CCL22: variants seen among roughly 807,000 people sequenced by gnomAD.
CCL22 encodes the protein C-C motif chemokine 22.
In CCL22, 7 loss-of-function variants were observed where a neutral mutation model predicts 7.6. That is an observed-to-expected ratio of 0.92 (90% CI 0.52 to 1.72). CCL22 has a LOEUF of 1.72. CCL22 is among the 40% of genes most tolerant of loss of function. The pLI, the probability that CCL22 is intolerant of heterozygous loss-of-function variation, is 0.00. For missense variants in CCL22, 115 were observed against 124.7 expected (o/e 0.92, Z 0.37); for synonymous variants, 55 against 47.2 (o/e 1.17, Z -0.68).
rs1446138012 is a variant in CCL22, at chr16:57,365,297, T to C, written c.*1709T>C. On this transcript the variant is annotated 3_prime_UTR_variant, in exon 3 of 3. Coordinates refer to ENST00000219235, the MANE Select transcript of CCL22 (RefSeq NM_002990.5). ...TTCCTTAAATAGCTGACAATCAAAT[T>C]CATGCTATGGTGTGAAAGACTACCT... 1 of 152,196 alleles carries C rather than the reference T, an allele frequency of 6.6e-6. No individual in the cohort carries two copies. Among genetic ancestry groups the C allele is most frequent in the Non-Finnish European group, 1.5e-5 (1 of 68,066 alleles). The allele number at this position is 152,196 out of a possible 1,614,324, so 9.4% of individuals were successfully genotyped here.
chr16:57,358,975 C>A, intron 1 of CCL22, 86 bp downstream of exon 1: 1 of 1,064,140 alleles, frequency 9.4e-7, no homozygotes, highest in Non-Finnish European at 1.5e-6. Flanking sequence ...AGCACTGGAC[C>A]AAGAGCAGAA....
In CCL22 at chr16:57,363,688, ACT is replaced by A; in HGVS notation, c.*105_*106del. ...TGCTCCCCGCCAGAAGCCTGTGCCA[ACT>A]CTCTGCATTCCCTGATCTCCATCCC... is the stretch of plus-strand genomic sequence containing the variant. On this transcript the variant is annotated 3_prime_UTR_variant, in exon 3 of 3. Coordinates refer to ENST00000219235, the MANE Select transcript of CCL22 (RefSeq NM_002990.5). 2.7e-6 allele frequency: 2 copies of A among 742,444 alleles called. No homozygotes were observed. The highest frequency in any genetic ancestry group is 2.4e-6 in the Non-Finnish European group (1 of 421,308). 46.0% of individuals were successfully genotyped at this position (742,444 alleles called of 1,614,324 possible).
intron 1 of CCL22, among the ~76,000 whole-genome samples, 170 bp from the exon 2 acceptor site, chr16:57,360,267 A>T (rs566337212): frequency 6.6e-6 from 1 of 152,324 alleles, no homozygotes; most frequent in South Asian, 2.1e-4. Context: ...CAGAAGCTCC[A>T]AGGGTAGGGT....
rs1166556826 is a variant in CCL22 at position 57,364,277 on chromosome 16, G to C, written c.*689G>C. The stretch of plus-strand genomic sequence containing the variant: ...CTCTAGTCTCCAAGCCTCTAGCATA[G>C]AGCACTGCAGACAGGCCCTGGCTCA... On this transcript the variant is annotated 3_prime_UTR_variant, in exon 3 of 3. Coordinates refer to ENST00000219235, the MANE Select transcript of CCL22 (RefSeq NM_002990.5). 6.6e-6 allele frequency: 1 copy of C among 152,358 alleles called. No individual in the cohort carries two copies. The highest frequency in any genetic ancestry group is 2.4e-5 in the African/African-American group (1 of 41,424). The allele number at this position is 152,358 out of a possible 1,614,324, so 9.4% of individuals were successfully genotyped here. A position where few individuals can be genotyped will look rare whatever the true frequency, so the allele number is the denominator to read the frequency against.
At chr16:57,363,369 C>T in intron 2 of CCL22, 135 bp from the exon 3 acceptor site, 1 of 615,644 alleles carries the variant, frequency 1.6e-6, no homozygotes, top group South Asian at 2.0e-5. Flanking sequence ...CAGATAATGT[C>T]ATATGTAGTA....
intron 1 of CCL22, 80 bp from the exon 2 acceptor site, chr16:57,360,357 G>A (rs1902033804): frequency 6.4e-7 from 1 of 1,551,348 alleles, no homozygotes; most frequent in South Asian, 1.1e-5. Flanking sequence ...GGAGCCTGGA[G>A]AGGCCGAGAT....
Position 57,363,520 on chromosome 16 carries a change from G to A in CCL22, c.214G>A (p.Asp72Asn), listed in dbSNP as rs752543853. Reference protein sequence around the residue: ...RPGVVLLTFRDKEICADPRVP... With the variant: ...RPGVVLLTFRNKEICADPRVP... Reference sequence around the variant, plus strand: ...TTCTTCCAGGTTGCTAACCTTCAGGGATAAGGAGATCTGTGCCGATCCCAG... The same window carrying A: ...TTCTTCCAGGTTGCTAACCTTCAGGAATAAGGAGATCTGTGCCGATCCCAG... Residue 72 changes from aspartate (D) to asparagine (N), a missense_variant, in exon 3 of 3, where the codon GAT becomes AAT. Transcript: ENST00000219235. 1 of 1,612,978 alleles carries A rather than the reference G, an allele frequency of 6.2e-7. No individual in the cohort carries two copies. Among genetic ancestry groups the A allele is most frequent in the African/African-American group, 1.3e-5 (1 of 74,852 alleles).
intron 1 of CCL22, 48 bp from the exon 2 acceptor site, chr16:57,360,389 A>C: frequency 6.3e-7 from 1 of 1,590,634 alleles, no homozygotes; most frequent in South Asian, 1.1e-5. Flanking sequence ...GCCGAGGGTG[A>C]CCTCTCTGGG....
At position 57,360,445 on chromosome 16, in the gene CCL22, G is replaced by A. The variant is rs779650273; in HGVS notation, c.82G>A (p.Gly28Ser). The change falls in exon 2 of 3, where the codon GGC (glycine) becomes AGC (serine). Residue 28 changes from glycine (G) to serine (S), a missense_variant. Coordinates refer to ENST00000219235, the MANE Select transcript of CCL22 (RefSeq NM_002990.5). ...ALQATEAGPYGANMEDSVCCR... is the reference protein window; with the variant it reads ...ALQATEAGPYSANMEDSVCCR... ...GGGGACCCCTCCCCTAGGCCCCTAC[G>A]GCGCCAACATGGAAGACAGCGTCTG... is the stretch of plus-strand genomic sequence containing the variant. 1.5e-5 allele frequency: 25 copies of A among 1,614,084 alleles called. No homozygotes were observed. Among genetic ancestry groups the A allele is most frequent in the Middle Eastern group, 1.6e-4 (1 of 6,082 alleles).
Position 57,360,505 on chromosome 16 carries a change from C to A in CCL22, c.142C>A (p.Arg48Ser), listed in dbSNP as rs145382097. The A allele has an allele frequency of 1.1e-5, 18 of 1,614,224 alleles. No individual in the cohort carries two copies. Among genetic ancestry groups the A allele is most frequent in the Non-Finnish European group, 1.4e-5 (17 of 1,180,022 alleles). The part of the protein sequence containing the change: ...RDYVRYRLPL[R>S]VVKHFYWTSD... ...TTACGTCCGTTACCGTCTGCCCCTG[C>A]GCGTGGTGAAACACTTCTACTGGAC... Residue 48 changes from arginine (R) to serine (S), a missense_variant, in exon 2 of 3, where the codon CGC becomes AGC. Arg to Ser is a moderately radical substitution (Grantham distance 110). Transcript: ENST00000219235.
intron 2 of CCL22, among the ~76,000 whole-genome samples, chr16:57,362,976 A>T (rs1902065628): frequency 6.6e-6 from 1 of 152,000 alleles, no homozygotes; most frequent in Non-Finnish European, 1.5e-5. Context: ...GGGTCCTGGA[A>T]GTCCTTGCTG....
rs1423612340 is a variant in CCL22 at position 57,364,296 on chromosome 16, T to C, written c.*708T>C. The C allele has an allele frequency of 6.6e-6, 1 of 152,264 alleles. No homozygotes were observed. The highest frequency in any genetic ancestry group is 1.5e-5 in the Non-Finnish European group (1 of 68,106). 9.4% of individuals were successfully genotyped at this position (152,264 alleles called of 1,614,324 possible). A position where few individuals can be genotyped will look rare whatever the true frequency, so the allele number is the denominator to read the frequency against. ...AGCATAGAGCACTGCAGACAGGCCC[T>C]GGCTCAGAATCAGAGCCCAGAAAGT... On this transcript the variant is annotated 3_prime_UTR_variant, in exon 3 of 3. Coordinates refer to ENST00000219235, the MANE Select transcript of CCL22 (RefSeq NM_002990.5).
Position 57,358,865 on chromosome 16 carries a change from G to C in CCL22, c.49G>C (p.Val17Leu). The change falls in exon 1 of 3, where the codon GTG becomes CTG. Residue 17 changes from valine to leucine, a missense_variant. Coordinates refer to ENST00000219235, the MANE Select transcript of CCL22 (RefSeq NM_002990.5). ...ALLVVLVLLA[V>L]ALQATEAGPY... ...CCTGGTTGTCCTCGTCCTCCTTGCT[G>C]TGGCGCTTCAAGCAACTGAGGCAGG... is the stretch of plus-strand genomic sequence containing the variant. 1 of 1,613,858 alleles carries C rather than the reference G, an allele frequency of 6.2e-7. No individual in the cohort carries two copies. Among genetic ancestry groups the C allele is most frequent in the Non-Finnish European group, 8.5e-7 (1 of 1,179,964 alleles).
At chr16:57,360,316 C>A in intron 1 of CCL22, 121 bp from the exon 2 acceptor site, 1 of 1,250,640 alleles carries the variant, frequency 8.0e-7, no homozygotes, top group Non-Finnish European at 1.1e-6. Context: ...CATCCTTCCA[C>A]ATGAGAACAG....
intron 2 of CCL22, 81 bp from the exon 3 acceptor site, chr16:57,363,423 T>C (rs1902070375): frequency 8.0e-6 from 7 of 870,862 alleles, no homozygotes; most frequent in Non-Finnish European, 1.1e-5. Context: ...AGGTGGCTCA[T>C]AAATGCTAAG....
At chr16:57,360,712 G>GGCTCA in intron 2 of CCL22, 152 bp downstream of exon 2, 1 of 927,054 alleles carries the variant, frequency 1.1e-6, no homozygotes. Context: ...TGGAAGAGAT[G>GGCTCA]GCTCAGTTCA....
upstream of CCL22, chr16:57,358,706 C>T (rs1228799749): frequency 1.5e-5 from 12 of 785,920 alleles, no homozygotes; most frequent in African/African-American, 2.0e-4. Context: ...CTGGGCACCC[C>T]GGTGACTAAG....
In CCL22 at chr16:57,364,801, C is replaced by CA. The variant is rs796311331; in HGVS notation, c.*1213_*1214insA. 2 of 84,158 alleles carry CA rather than the reference C, an allele frequency of 2.4e-5. No individual in the cohort carries two copies. The highest frequency in any genetic ancestry group is 5.6e-4 in the South Asian group (1 of 1,778). 5.2% of individuals were successfully genotyped at this position (84,158 alleles called of 1,614,324 possible). On this transcript the variant is annotated 3_prime_UTR_variant, in exon 3 of 3. Transcript: ENST00000219235. The stretch of plus-strand genomic sequence containing the variant: ...GCCTCTTCCCTCTCCCCACCCCCCC[C>CA]CCAACTTTTTTTTTTTTTTATGGCA...
chr16:57,364,096 G>A lies in CCL22; in HGVS notation c.*508G>A, dbSNP rs1290545606. On this transcript the variant is annotated 3_prime_UTR_variant, in exon 3 of 3. Transcript: ENST00000219235. ...CCACCAGCCCTCCAAGGCATTGCTC[G>A]CCCAAGCAGCTGGTAATTCCATTTC... 6.4e-6 allele frequency: 1 copy of A among 155,964 alleles called. No individual in the cohort carries two copies. The highest frequency in any genetic ancestry group is 1.4e-5 in the Non-Finnish European group (1 of 70,068). 9.7% of individuals were successfully genotyped at this position (155,964 alleles called of 1,614,324 possible). A position where few individuals can be genotyped will look rare whatever the true frequency, so the allele number is the denominator to read the frequency against.
Sources: gnomAD v4.1 joint callset for allele counts (sites outside exome capture counted in the v4.1 genomes callset) on GRCh38, gnomAD v4.1.1 for gene constraint, MANE v1.5 for transcripts, NCBI Gene and HGNC (gene_info 2026-07-23, HGNC 2026-07-21) for gene names.